The following ERC2 variants were observed in gnomAD, a reference collection of about 807,000 sequenced individuals.
The protein encoded by ERC2 is ERC protein 2.
In ERC2, 42 loss-of-function variants were observed where a neutral mutation model predicts 114.8. The ratio of observed to expected loss-of-function variants is 0.37; its 90% confidence interval spans 0.29 to 0.47. ERC2 has a LOEUF of 0.47. Among genes scored for constraint, ERC2 ranks in the 20% least tolerant of loss-of-function variants. The pLI is 0.99. For missense variants in ERC2, 939 were observed against 1,150.7 expected, an observed-to-expected ratio of 0.82 and a Z score of 2.66; for synonymous variants, 454 against 425.5, an observed-to-expected ratio of 1.07 and a Z score of -0.82.
At chr3:56,133,197 G>T (rs1464938110) in intron 6 of ERC2, among the ~76,000 whole-genome samples, 1 of 152,144 alleles carries the variant, frequency 6.6e-6, no homozygotes, top group Non-Finnish European at 1.5e-5. Context: ...CAGCATTTTG[G>T]GAAGCTGAGG....
At chr3:55,652,353 T>C (rs1312755659) in intron 17 of ERC2, among the ~76,000 whole-genome samples, 1 of 152,030 alleles carries the variant, frequency 6.6e-6, no homozygotes, top group Non-Finnish European at 1.5e-5. Flanking sequence ...TTTTATTTTA[T>C]TTTTTTTCCC....
At chr3:56,102,895 G>A (rs867063690) in intron 6 of ERC2, among the ~76,000 whole-genome samples, 1 of 152,116 alleles carries the variant, frequency 6.6e-6, no homozygotes, top group Non-Finnish European at 1.5e-5. Context: ...AAATGTATTT[G>A]ACAACTTTTT....
intron 1 of ERC2, among the ~76,000 whole-genome samples, chr3:56,455,171 C>T (rs2063009214): frequency 6.6e-6 from 1 of 151,262 alleles, no homozygotes. Context: ...CCAAACTGTG[C>T]ACTTTAAAAT....
intron 3 of ERC2, among the ~76,000 whole-genome samples, chr3:56,240,729 T>C (rs1333940377): frequency 1.3e-5 from 2 of 152,186 alleles, no homozygotes; most frequent in Admixed American, 6.5e-5. Context: ...GCTATTAAAC[T>C]TGAAAAAGCT....
chr3:56,057,504 G>A (rs1306596129), intron 7 of ERC2, among the ~76,000 whole-genome samples: 1 of 152,142 alleles, frequency 6.6e-6, no homozygotes, highest in African/African-American at 2.4e-5. Context: ...CAGCTGACTG[G>A]GTTGTGTTCT....
chr3:56,175,467 A>T lies in ERC2; in HGVS notation c.1075-1947T>A, dbSNP rs578111959. Among the ~76,000 whole-genome samples the T allele has an allele frequency of 3.3e-5, 5 of 152,240 alleles. 1 individual carries two copies. The South Asian group carries it at 1.0e-3, about 32-fold the overall frequency. Reference sequence around the variant, plus strand: ...CACTGGACTGCAATCATCTGGCAACACTACCATTTTTGGACTCTCTGGAAA... The same window carrying T: ...CACTGGACTGCAATCATCTGGCAACTCTACCATTTTTGGACTCTCTGGAAA... On this transcript the variant is annotated intron_variant, in intron 3 of 17. Transcript: ENST00000288221.
intron 15 of ERC2, among the ~76,000 whole-genome samples, chr3:55,733,352 T>A (rs1445757881): frequency 6.6e-6 from 1 of 152,052 alleles, no homozygotes; most frequent in Non-Finnish European, 1.5e-5. Context: ...TGGCAGTGAC[T>A]GGGACCCTCC....
At chr3:56,159,367 C>T (rs1245697701) in intron 4 of ERC2, among the ~76,000 whole-genome samples, 2 of 152,162 alleles carry the variant, frequency 1.3e-5, no homozygotes, top group African/African-American at 4.8e-5. Flanking sequence ...CTTCCCAGAA[C>T]AAATGTCAAC....
chr3:56,201,153 A>C (rs767484783), intron 3 of ERC2, among the ~76,000 whole-genome samples: 8 of 151,892 alleles, frequency 5.3e-5, no homozygotes, highest in Non-Finnish European at 1.0e-4. Context: ...TCCTATCTTC[A>C]CTACCATCTC....
At chr3:56,427,439 T>C (rs1453096409) in intron 2 of ERC2, among the ~76,000 whole-genome samples, 2 of 152,148 alleles carry the variant, frequency 1.3e-5, no homozygotes, top group African/African-American at 4.8e-5. Flanking sequence ...TAAACATTTT[T>C]AACTGAAAGA....
At chr3:56,244,214 A>C (rs1384496575) in intron 3 of ERC2, among the ~76,000 whole-genome samples, 1 of 152,094 alleles carries the variant, frequency 6.6e-6, no homozygotes, top group African/African-American at 2.4e-5. Context: ...ACGAGGCATT[A>C]CTCATGTTTG....
At chr3:55,542,344 C>T (rs1010053775) in intron 17 of ERC2, among the ~76,000 whole-genome samples, 1 of 152,116 alleles carries the variant, frequency 6.6e-6, no homozygotes, top group African/African-American at 2.4e-5. Flanking sequence ...GACAGGCTTG[C>T]CATGGCTGCC....
At chr3:55,728,779 C>A (rs972685514) in intron 15 of ERC2, among the ~76,000 whole-genome samples, 1 of 152,186 alleles carries the variant, frequency 6.6e-6, no homozygotes, top group African/African-American at 2.4e-5. Flanking sequence ...TGCCTCTTGA[C>A]AGCAAGGAAG....
At chr3:55,704,340 G>A (rs1231621392) in intron 15 of ERC2, among the ~76,000 whole-genome samples, 1 of 152,150 alleles carries the variant, frequency 6.6e-6, no homozygotes, top group Non-Finnish European at 1.5e-5. Context: ...TCAGTCATCT[G>A]GATCAAGTTA....
At chr3:55,607,517 C>A (rs1055175534) in intron 17 of ERC2, among the ~76,000 whole-genome samples, 1 of 151,872 alleles carries the variant, frequency 6.6e-6, no homozygotes, top group Non-Finnish European at 1.5e-5. Flanking sequence ...GCCCTGATTA[C>A]AGGAGGAACT....
intron 10 of ERC2, chr3:56,003,212 AC>A (rs2072215060): frequency 1.9e-6 from 2 of 1,079,354 alleles, no homozygotes; most frequent in African/African-American, 1.6e-5. Context: ...CATTAGCTCA[AC>A]AAAATCCATG....
At chr3:56,017,820 A>C (rs1384077859) in intron 8 of ERC2, among the ~76,000 whole-genome samples, 1 of 151,852 alleles carries the variant, frequency 6.6e-6, no homozygotes, top group Non-Finnish European at 1.5e-5. Flanking sequence ...ATTTTCACCC[A>C]TTTTCTTCTC....
intron 7 of ERC2, among the ~76,000 whole-genome samples, chr3:56,026,084 G>A (rs1229118627): frequency 1.7e-4 from 15 of 86,810 alleles, no homozygotes; most frequent in Middle Eastern, 0.029. Flanking sequence ...TTTTTTTTTC[G>A]AGATGGAGTC....
intron 3 of ERC2, among the ~76,000 whole-genome samples, chr3:56,290,348 G>A (rs905698264): frequency 6.6e-6 from 1 of 152,176 alleles, no homozygotes; most frequent in African/African-American, 2.4e-5. Flanking sequence ...AATATCTGAG[G>A]TCTGGGAATA....
Sources: gnomAD v4.1 joint callset for allele counts (sites outside exome capture counted in the v4.1 genomes callset) on GRCh38, gnomAD v4.1.1 for gene constraint, MANE v1.5 for transcripts, NCBI Gene and HGNC (gene_info 2026-07-23, HGNC 2026-07-21) for gene names.